The following FAM47E variants were observed in gnomAD, a reference collection of about 807,000 sequenced individuals.
FAM47E encodes protein FAM47E.
Under a neutral mutation model 41.6 loss-of-function variants are expected in FAM47E, and 32 were observed. That is an observed-to-expected ratio of 0.77 (90% CI 0.58 to 1.03). FAM47E has a LOEUF of 1.03. Among genes scored for constraint, FAM47E ranks in the 50% least tolerant of loss-of-function variants. The probability of loss-of-function intolerance (pLI) is 0.00; values close to 1 mark genes in which losing one functional copy is unlikely to be tolerated. For missense variants in FAM47E, 424 were observed against 485.4 expected, an observed-to-expected ratio of 0.87 and a Z score of 1.19; for synonymous variants, 184 against 188.7, an observed-to-expected ratio of 0.98 and a Z score of 0.20.
intron 3 of FAM47E, among the ~76,000 whole-genome samples, chr4:76,265,152 A>G (rs1452791413): frequency 6.6e-6 from 1 of 152,206 alleles, no homozygotes; most frequent in African/African-American, 2.4e-5. Flanking sequence ...GTCTTAGGAC[A>G]TTTCTGACTC....
intron 2 of FAM47E, among the ~76,000 whole-genome samples, chr4:76,237,735 AG>A (rs1255089618): frequency 6.6e-6 from 1 of 152,160 alleles, no homozygotes; most frequent in Non-Finnish European, 1.5e-5. Context: ...CAGAAGGTGA[AG>A]GGGGAGCAGG....
In FAM47E at chr4:76,283,456, T is replaced by C. The variant is rs1039074311; in HGVS notation, c.1180T>C (p.Ter394GlnextTer30). ...GACTCCTATAAAACGAACTCAAGCA[T>C]AGAAGAATCGTAGGAGAATGATTAG... The part of the protein sequence containing the change: ...NKTPIKRTQA[*>Q] Residue 394 changes from the stop codon to glutamine (Q), a stop_lost, in exon 8 of 8, where the codon TAG becomes CAG. Transcript: ENST00000424749. 2.0e-6 allele frequency: 3 copies of C among 1,527,052 alleles called. No individual in the cohort carries two copies. Among genetic ancestry groups the C allele is most frequent in the Non-Finnish European group, 1.8e-6 (2 of 1,124,898 alleles). The allele number at this position is 1,527,052 out of a possible 1,614,324, so 94.6% of individuals were successfully genotyped here.
At chr4:76,217,993 T>C (rs1468901110) in intron 2 of FAM47E, among the ~76,000 whole-genome samples, 1 of 152,238 alleles carries the variant, frequency 6.6e-6, no homozygotes, top group Non-Finnish European at 1.5e-5. Context: ...CATTGTATAC[T>C]TTTATGTTCA....
intron 2 of FAM47E, among the ~76,000 whole-genome samples, chr4:76,235,130 A>G (rs1451968198): frequency 6.6e-6 from 1 of 152,086 alleles, no homozygotes; most frequent in Non-Finnish European, 1.5e-5. Context: ...ATCATGGCTA[A>G]CACGGTGAAA....
chr4:76,279,992 C>T, intron 6 of FAM47E: 1 of 301,790 alleles, frequency 3.3e-6, no homozygotes, highest in Non-Finnish European at 6.2e-6. Context: ...AGATTCCAGA[C>T]ATCATAGGTC....
intron 1 of FAM47E, among the ~76,000 whole-genome samples, 182 bp from the exon 2 acceptor site, chr4:76,255,996 T>C (rs1734174064): frequency 6.6e-6 from 1 of 152,184 alleles, no homozygotes; most frequent in African/African-American, 2.4e-5. Context: ...GCAGCAATTC[T>C]GTGCTATGAA....
chr4:76,279,242 T>G (rs1735252295), intron 6 of FAM47E: 1 of 152,194 alleles, frequency 6.6e-6, no homozygotes, highest in African/African-American at 2.4e-5. Flanking sequence ...ATATATAACA[T>G]AAAGCTATTC....
At chr4:76,232,903 A>G (rs930072376) in intron 2 of FAM47E, among the ~76,000 whole-genome samples, 1 of 152,226 alleles carries the variant, frequency 6.6e-6, no homozygotes, top group Non-Finnish European at 1.5e-5. Flanking sequence ...TTAAAGCAGC[A>G]AAAACCTTTA....
At position 76,246,628 on chromosome 4, in the gene FAM47E, C is replaced by T. The variant is rs1023837848; in HGVS notation, c.82-17076C>T. 4.6e-5 allele frequency among the ~76,000 whole-genome samples: 7 copies of T among 151,990 alleles called. 1 individual carries two copies. Among genetic ancestry groups the T allele is most frequent in the Admixed American group, 2.0e-4 (3 of 15,276 alleles). ...TTTACATATGTACTAACATATCCAC[C>T]AACTAGATCAAGATGTAGAAGATTT... is the stretch of plus-strand genomic sequence containing the variant. On this transcript the variant is annotated intron_variant, in intron 2 of 7. Coordinates refer to the FAM47E transcript ENST00000510197.
At chr4:76,250,893 T>G (rs1020344686), upstream of FAM47E, among the ~76,000 whole-genome samples, 2 of 152,198 alleles carry the variant, frequency 1.3e-5, no homozygotes, top group Non-Finnish European at 2.9e-5. Flanking sequence ...ATGCTGGCAC[T>G]GTGTTAATTT....
In FAM47E at chr4:76,256,452, G is replaced by A; in HGVS notation, c.349G>A (p.Asp117Asn). The A allele has an allele frequency of 6.4e-7, 1 of 1,551,970 alleles. No individual in the cohort carries two copies. The highest frequency in any genetic ancestry group is 8.7e-7 in the Non-Finnish European group (1 of 1,147,206). ...GCAGGCTCGGAAGGCATTCCTGGAG[G>A]ACGTGGAGGCCCACCTGACCCCACA... ...AQQARKAFLE[D>N]VEAHLTPHPL... The change falls in exon 2 of 8, where the codon GAC becomes AAC. Residue 117 changes from aspartate to asparagine, a missense_variant. Asp to Asn is a conservative substitution (Grantham distance 23). Coordinates refer to ENST00000424749, the MANE Select transcript of FAM47E (RefSeq NM_001136570.3).
At chr4:76,216,553 C>A (rs1733211337) in intron 1 of FAM47E, among the ~76,000 whole-genome samples, 1 of 152,070 alleles carries the variant, frequency 6.6e-6, no homozygotes, top group African/African-American at 2.4e-5. Context: ...GTCTGGGCCA[C>A]CAGGACAGTA....
At chr4:76,230,655 G>A (rs2109985487) in intron 2 of FAM47E, among the ~76,000 whole-genome samples, 1 of 152,218 alleles carries the variant, frequency 6.6e-6, no homozygotes, top group East Asian at 1.9e-4. Context: ...GAGAGAGAGA[G>A]GAAAGAGCGT....
At chr4:76,276,368 G>GTTTTTTTTTGTTTTTTTGTTTTT (rs1553957220) in intron 5 of FAM47E, among the ~76,000 whole-genome samples, 8 of 149,938 alleles carry the variant, frequency 5.3e-5, no homozygotes, top group Non-Finnish European at 7.4e-5. Context: ...TTTTTTGTTT[G>GTTTTTTTTTGTTTTTTTGTTTTT]TTTGTTTTTT....
intron 5 of FAM47E, among the ~76,000 whole-genome samples, chr4:76,277,764 T>C (rs1196162639): frequency 6.6e-6 from 1 of 152,198 alleles, no homozygotes; most frequent in Non-Finnish European, 1.5e-5. Flanking sequence ...ATCTCCATTT[T>C]ACAGATGAAG....
intron 2 of FAM47E, among the ~76,000 whole-genome samples, chr4:76,228,496 G>T (rs1210707913): frequency 6.6e-6 from 1 of 150,808 alleles, no homozygotes; most frequent in African/African-American, 2.4e-5. Context: ...AAAAAAGAAA[G>T]AAAGAAAAAA....
upstream of FAM47E, among the ~76,000 whole-genome samples, chr4:76,247,901 ACT>A (rs764557088): frequency 2.3e-4 from 26 of 112,264 alleles, 1 homozygote; most frequent in East Asian, 4.7e-3. Flanking sequence ...TTATCTTTTC[ACT>A]CTCTCTCTTT....
chr4:76,245,721 A>G (rs1180438901), intron 2 of FAM47E, among the ~76,000 whole-genome samples: 1 of 152,122 alleles, frequency 6.6e-6, no homozygotes, highest in Admixed American at 6.5e-5. Flanking sequence ...ATGTATCCCT[A>G]CATCCCATCT....
intron 2 of FAM47E, among the ~76,000 whole-genome samples, chr4:76,239,491 A>G (rs1733662801): frequency 6.6e-6 from 1 of 152,146 alleles, no homozygotes; most frequent in African/African-American, 2.4e-5. Context: ...CATGATGTTG[A>G]GCATCATTTC....
Sources: allele counts gnomAD v4.1 joint callset (sites outside exome capture counted in the v4.1 genomes callset), GRCh38; gene constraint gnomAD v4.1.1; transcripts MANE v1.5; gene names NCBI Gene and HGNC (gene_info 2026-07-23, HGNC 2026-07-21).